The following FSD1L variants were observed in gnomAD, a reference collection of about 807,000 sequenced individuals.
The protein encoded by FSD1L is FSD1-like protein.
Under a neutral mutation model 71.6 loss-of-function variants are expected in FSD1L, and 45 were observed. The observed-to-expected ratio is 0.63, with a 90% CI of 0.49 to 0.81. The LOEUF (loss-of-function observed/expected upper bound fraction) is 0.81, where lower values mean the gene tolerates loss of function less well. Ranked by LOEUF, FSD1L falls within the 30% of genes least tolerant of loss-of-function variation. The pLI, the probability that FSD1L is intolerant of heterozygous loss-of-function variation, is 0.00. For missense variants in FSD1L, 561 were observed against 618.1 expected (o/e 0.91, Z 0.98); for synonymous variants, 197 against 207.2 (o/e 0.95, Z 0.42).
upstream of FSD1L, among the ~76,000 whole-genome samples, chr9:105,447,267 T>C (rs775444583): frequency 1.3e-4 from 17 of 128,466 alleles, no homozygotes; most frequent in Non-Finnish European, 2.1e-4. Flanking sequence ...GAGGTTGCAG[T>C]GAGCCAAGAT....
At position 105,512,851 on chromosome 9, in the gene FSD1L, A is replaced by C. The variant is rs1341819948; in HGVS notation, c.940A>C (p.Lys314Gln). ...LDNSSSHLNL[K>Q]VEDTCVEWDP... ...TAACTCCTCATCCCATTTGAACCTG[A>C]AAGTTGAAGATACATGTGTAGAGTG... Residue 314 changes from lysine (K) to glutamine (Q), a missense_variant, in exon 10 of 14, where the codon AAA becomes CAA. Transcript: ENST00000481272. 1 of 1,540,492 alleles carries C rather than the reference A, an allele frequency of 6.5e-7. No individual in the cohort carries two copies. Among genetic ancestry groups the C allele is most frequent in the Admixed American group, 2.0e-5 (1 of 49,868 alleles).
chr9:105,534,415 C>T, intron 10 of FSD1L, 78 bp from the exon 11 acceptor site: 2 of 732,214 alleles, frequency 2.7e-6, no homozygotes, highest in Non-Finnish European at 4.5e-6. Flanking sequence ...GAGGTTCCTT[C>T]CATGATTTCT....
chr9:105,463,897 G>A (rs1830886352), intron 2 of FSD1L, among the ~76,000 whole-genome samples: 1 of 152,028 alleles, frequency 6.6e-6, no homozygotes, highest in Non-Finnish European at 1.5e-5. Flanking sequence ...GTTTCCATTT[G>A]TTTTTACAGC....
At chr9:105,444,786 C>T (rs950249071), upstream of FSD1L, among the ~76,000 whole-genome samples, 1 of 152,150 alleles carries the variant, frequency 6.6e-6, no homozygotes, top group Admixed American at 6.5e-5. Flanking sequence ...CTCCCCGACC[C>T]CTTTTTTTGT....
intron 6 of FSD1L, among the ~76,000 whole-genome samples, chr9:105,482,655 G>A (rs1015094992): frequency 6.6e-6 from 1 of 152,142 alleles, no homozygotes; most frequent in African/African-American, 2.4e-5. Context: ...CTGAAAGATT[G>A]TAGCATTGTT....
chr9:105,510,724 GTAT>G, intron 9 of FSD1L, among the ~76,000 whole-genome samples: 1 of 152,208 alleles, frequency 6.6e-6, no homozygotes, highest in South Asian at 2.1e-4. Context: ...AATATTTAGA[GTAT>G]ATTATTAGTT....
intron 1 of FSD1L, among the ~76,000 whole-genome samples, chr9:105,460,845 G>C (rs1346867900): frequency 6.6e-6 from 1 of 152,180 alleles, no homozygotes. Context: ...TTTCACAGGA[G>C]AGAGGAGTGT....
intron 10 of FSD1L, among the ~76,000 whole-genome samples, chr9:105,532,943 T>A (rs141036986): frequency 1.7e-4 from 26 of 152,302 alleles, no homozygotes; most frequent in African/African-American, 6.3e-4. Flanking sequence ...AGTCACTGAG[T>A]CATATGAAAT....
chr9:105,451,809 G>A (rs1830021846), intron 1 of FSD1L, among the ~76,000 whole-genome samples: 1 of 152,078 alleles, frequency 6.6e-6, no homozygotes, highest in South Asian at 2.1e-4. Context: ...TAAGACATTT[G>A]TACCTTTTTA....
chr9:105,503,112 T>C (rs560745664), intron 7 of FSD1L, among the ~76,000 whole-genome samples: 67 of 152,244 alleles, frequency 4.4e-4, no homozygotes, highest in Non-Finnish European at 8.1e-4. Flanking sequence ...GGTCTCAAAC[T>C]CCTGGGCTCA....
intron 1 of FSD1L, among the ~76,000 whole-genome samples, chr9:105,452,371 C>G (rs551121333): frequency 6.6e-6 from 1 of 152,302 alleles, no homozygotes; most frequent in Non-Finnish European, 1.5e-5. Context: ...AGTTCTTATT[C>G]CTGTTGCACT....
intron 10 of FSD1L, chr9:105,526,221 A>G: frequency 6.3e-7 from 1 of 1,599,104 alleles, no homozygotes; most frequent in Non-Finnish European, 8.6e-7. Flanking sequence ...CATTGTATCA[A>G]AACTTCTATG....
intron 7 of FSD1L, among the ~76,000 whole-genome samples, chr9:105,486,981 T>C (rs1382124357): frequency 6.6e-6 from 1 of 152,174 alleles, no homozygotes; most frequent in Non-Finnish European, 1.5e-5. Context: ...TTTGGCGATA[T>C]CATGTGATTA....
Position 105,543,102 on chromosome 9 carries a change from A to G in FSD1L, c.1468-3256A>G, listed in dbSNP as rs368077803. Reference sequence around the variant, plus strand: ...TTGCTTTTGTATTTTGGGAGTTATCATTACTGAGCCTGTTAGTTTTGAAAA... The same window carrying G: ...TTGCTTTTGTATTTTGGGAGTTATCGTTACTGAGCCTGTTAGTTTTGAAAA... On this transcript the variant is annotated intron_variant, in intron 13 of 13. Transcript: ENST00000481272. 7.6e-4 allele frequency among the ~76,000 whole-genome samples: 116 copies of G among 152,282 alleles called. 2 individuals carry two copies. In the South Asian group the frequency reaches 0.023, roughly 30 times the overall value.
chr9:105,549,469 G>A lies in FSD1L; in HGVS notation c.*2986G>A, dbSNP rs1375095410. On this transcript the variant is annotated 3_prime_UTR_variant, in exon 14 of 14. Transcript: ENST00000481272. ...TACAGCAATTCTTTGAATGTTCCAGGTGTACGTAAACTAACTGAAAGTATT... is the reference window on the plus strand; with the variant it reads ...TACAGCAATTCTTTGAATGTTCCAGATGTACGTAAACTAACTGAAAGTATT... 1 of 152,010 alleles carries A rather than the reference G, an allele frequency of 6.6e-6. No homozygotes were observed. The highest frequency in any genetic ancestry group is 1.5e-5 in the Non-Finnish European group (1 of 67,922). 9.4% of individuals were successfully genotyped at this position (152,010 alleles called of 1,614,324 possible). A position where few individuals can be genotyped will look rare whatever the true frequency, so the allele number is the denominator to read the frequency against.
In FSD1L at chr9:105,512,141, A is replaced by C. The variant is rs1834426544; in HGVS notation, c.896-666A>C. Among the ~76,000 whole-genome samples the C allele has an allele frequency of 4.6e-5, 7 of 152,096 alleles. 1 individual carries two copies. The South Asian group carries it at 1.4e-3, about 31-fold the overall frequency. On this transcript the variant is annotated intron_variant, in intron 9 of 13. Transcript: ENST00000481272. ...CTAAATTCCTAAAGCAGTTCTGAGT[A>C]AGTCTTGTGAAAAGTATAGTTAATT...
At position 105,548,353 on chromosome 9, in the gene FSD1L, G is replaced by A. The variant is rs2131552172; in HGVS notation, c.*1870G>A. On this transcript the variant is annotated 3_prime_UTR_variant, in exon 14 of 14. Transcript: ENST00000481272. ...GAAAGCAGAAATTTTTAGTAGTTGA[G>A]TTGCTTTAAGTGAATTTTAACAAAT... The A allele has an allele frequency of 6.6e-6, 1 of 152,598 alleles. No individual in the cohort carries two copies. Among genetic ancestry groups the A allele is most frequent in the African/African-American group, 2.4e-5 (1 of 41,540 alleles). 9.5% of individuals were successfully genotyped at this position (152,598 alleles called of 1,614,324 possible). A position where few individuals can be genotyped will look rare whatever the true frequency, so the allele number is the denominator to read the frequency against.
At chr9:105,476,733 T>G (rs1831829147) in intron 5 of FSD1L, among the ~76,000 whole-genome samples, 1 of 152,208 alleles carries the variant, frequency 6.6e-6, no homozygotes, top group African/African-American at 2.4e-5. Context: ...TATAGTATTG[T>G]GTATCTTTTG....
chr9:105,534,681 G>A (rs1302130666), intron 11 of FSD1L, 88 bp downstream of exon 11: 15 of 743,416 alleles, frequency 2.0e-5, no homozygotes, highest in Non-Finnish European at 3.3e-5. Flanking sequence ...GTGACTGCCT[G>A]TATATTGAAT....
Sources: allele counts gnomAD v4.1 joint callset (sites outside exome capture counted in the v4.1 genomes callset), GRCh38; gene constraint gnomAD v4.1.1; transcripts MANE v1.5; gene names NCBI Gene and HGNC (gene_info 2026-07-23, HGNC 2026-07-21).